Variants in NYAP2 observed in about 807,000 individuals in gnomAD.
The protein encoded by NYAP2 is neuronal tyrosine-phosphorylated phosphoinositide-3-kinase adapter 2.
In NYAP2, 23 loss-of-function variants were observed where a neutral mutation model predicts 50.4. The observed-to-expected ratio is 0.46, with a 90% CI of 0.33 to 0.65. NYAP2 has a LOEUF of 0.65. Ranked by LOEUF, NYAP2 falls within the 30% of genes least tolerant of loss-of-function variation. The pLI, the probability that NYAP2 is intolerant of heterozygous loss-of-function variation, is 0.02. For missense variants in NYAP2, 885 were observed against 861.0 expected (o/e 1.03, Z -0.35); for synonymous variants, 394 against 365.2 (o/e 1.08, Z -0.90).
the NYAP2 span, among the ~76,000 whole-genome samples, chr2:225,694,910 TC>T: frequency 1.4e-4 from 21 of 151,874 alleles, no homozygotes; most frequent in African/African-American, 4.8e-4. Context: ...TACACATGTC[TC>T]CAAAACATGA....
At chr2:225,684,741 G>A in the NYAP2 span, among the ~76,000 whole-genome samples, 1 of 151,970 alleles carries the variant, frequency 6.6e-6, no homozygotes, top group Non-Finnish European at 1.5e-5. Flanking sequence ...TGTAAAGATG[G>A]GGTTTCACTA....
At chr2:225,655,460 A>G (rs1298013763), downstream of NYAP2, among the ~76,000 whole-genome samples, 3 of 152,216 alleles carry the variant, frequency 2.0e-5, no homozygotes, top group South Asian at 2.1e-4. Context: ...ACCATTAGAA[A>G]GTTAACTTAT....
chr2:225,601,215 G>C (rs1018125951), intron 5 of NYAP2, among the ~76,000 whole-genome samples: 13 of 151,756 alleles, frequency 8.6e-5, no homozygotes, highest in Non-Finnish European at 1.9e-4. Flanking sequence ...CTACCTCCTG[G>C]GTTCAAGTGA....
chr2:225,398,624 CAGAGAG>C (rs55932860), upstream of NYAP2, among the ~76,000 whole-genome samples: 1 of 149,300 alleles, frequency 6.7e-6, no homozygotes, highest in Non-Finnish European at 1.5e-5. Flanking sequence ...CTTCATAAGG[CAGAGAG>C]AGAGAGAGAG....
At chr2:225,466,320 A>T (rs1689917667) in intron 3 of NYAP2, among the ~76,000 whole-genome samples, 1 of 152,172 alleles carries the variant, frequency 6.6e-6, no homozygotes, top group Non-Finnish European at 1.5e-5. Flanking sequence ...TGTGGGTGTC[A>T]TGAGTGCCTA....
chr2:225,550,588 G>T (rs1691655892), intron 4 of NYAP2, among the ~76,000 whole-genome samples: 1 of 152,152 alleles, frequency 6.6e-6, no homozygotes. Context: ...GTAGGGAAAT[G>T]GGTGGCAGCT....
chr2:225,639,945 C>T (rs1693498314), intron 6 of NYAP2, among the ~76,000 whole-genome samples: 1 of 152,062 alleles, frequency 6.6e-6, no homozygotes, highest in South Asian at 2.1e-4. Flanking sequence ...CGCCATGACC[C>T]ACATAATTGA....
intron 6 of NYAP2, among the ~76,000 whole-genome samples, chr2:225,642,421 A>T (rs1693548757): frequency 6.6e-6 from 1 of 152,172 alleles, no homozygotes; most frequent in African/African-American, 2.4e-5. Context: ...TTCTTACAGA[A>T]ATCCTGTGAA....
chr2:225,409,723 G>A (rs1301228389), intron 3 of NYAP2, among the ~76,000 whole-genome samples: 1 of 152,146 alleles, frequency 6.6e-6, no homozygotes, highest in East Asian at 1.9e-4. Flanking sequence ...CCAAATTGAG[G>A]TTAAATTTCC....
At chr2:225,548,465 G>A (rs1691620208) in intron 4 of NYAP2, among the ~76,000 whole-genome samples, 1 of 151,630 alleles carries the variant, frequency 6.6e-6, no homozygotes, top group Non-Finnish European at 1.5e-5. Flanking sequence ...TGTGTATTAA[G>A]CAATGTACCC....
chr2:225,525,125 T>G (rs1458931712), intron 4 of NYAP2, among the ~76,000 whole-genome samples: 1 of 152,182 alleles, frequency 6.6e-6, no homozygotes, highest in African/African-American at 2.4e-5. Flanking sequence ...CATTATACAC[T>G]GTCAGTTGGA....
rs540611962 is a variant in NYAP2 at position 225,487,484 on chromosome 2, C to A, written c.222-25887C>A. The stretch of plus-strand genomic sequence containing the variant: ...AAGCGATTCTCCTGCCTCAGCCTTG[C>A]GAGTAACTTGGATTATAGGCGCCCA... On this transcript the variant is annotated intron_variant, in intron 3 of 6. Coordinates refer to ENST00000636099, the Ensembl canonical transcript of NYAP2. Among the ~76,000 whole-genome samples the A allele has an allele frequency of 1.6e-3, 236 of 152,094 alleles. 1 individual carries two copies. The highest frequency in any genetic ancestry group is 5.4e-3 in the African/African-American group (225 of 41,488).
intron 3 of NYAP2, among the ~76,000 whole-genome samples, chr2:225,455,426 A>G (rs1689724866): frequency 6.6e-6 from 1 of 152,218 alleles, no homozygotes; most frequent in Non-Finnish European, 1.5e-5. Flanking sequence ...ATACTATTTA[A>G]TGCCAAACAG....
intron 6 of NYAP2, among the ~76,000 whole-genome samples, chr2:225,646,271 G>C (rs958544575): frequency 2.6e-5 from 4 of 152,194 alleles, no homozygotes; most frequent in African/African-American, 9.7e-5. Context: ...ATTCCTGCTG[G>C]CTGGGCACGG....
intron 4 of NYAP2, among the ~76,000 whole-genome samples, chr2:225,567,510 T>C (rs1251121781): frequency 6.6e-6 from 1 of 152,082 alleles, no homozygotes; most frequent in Non-Finnish European, 1.5e-5. Flanking sequence ...TAATTCTCCC[T>C]TCAGAAAGCT....
At chr2:225,596,509 AG>A (rs1486447073) in intron 5 of NYAP2, among the ~76,000 whole-genome samples, 8 of 152,292 alleles carry the variant, frequency 5.3e-5, no homozygotes, top group Non-Finnish European at 2.9e-5. Context: ...TAAGTTTTTG[AG>A]GGCAGGGACA....
chr2:225,498,934 G>A (rs961979066), intron 3 of NYAP2, among the ~76,000 whole-genome samples: 1 of 152,202 alleles, frequency 6.6e-6, no homozygotes, highest in Non-Finnish European at 1.5e-5. Flanking sequence ...GAAATGCGCA[G>A]TATTTTGTTG....
Position 225,583,034 on chromosome 2 carries a change from G to C in NYAP2, c.1617G>C (p.Glu539Asp), listed in dbSNP as rs1029941891. 6 of 1,609,648 alleles carry C rather than the reference G, an allele frequency of 3.7e-6. No individual in the cohort carries two copies. Among genetic ancestry groups the C allele is most frequent in the Admixed American group, 3.3e-5 (2 of 59,844 alleles). Reference sequence around the variant, plus strand: ...GCCGGCGCTCCAAAGAGCCTGCAGAGAGTAAGTGTGCAGGGCCTGCCTGAG... The same window carrying C: ...GCCGGCGCTCCAAAGAGCCTGCAGACAGTAAGTGTGCAGGGCCTGCCTGAG... The change falls in exon 5 of 7, where the codon GAG becomes GAC. Residue 539 changes from glutamate to aspartate, a missense_variant and splice_region_variant. Coordinates refer to ENST00000636099, the Ensembl canonical transcript of NYAP2.
At chr2:225,651,823 T>C (rs1693737797) in exon 7 of NYAP2, 1 of 411,486 alleles carries the variant, frequency 2.4e-6, no homozygotes, top group Middle Eastern at 6.6e-4. Context: ...GTAGTAAACT[T>C]GTACTATATG....
Sources: allele counts gnomAD v4.1 joint callset (sites outside exome capture counted in the v4.1 genomes callset), GRCh38; gene constraint gnomAD v4.1.1; transcripts MANE v1.5; gene names NCBI Gene and HGNC (gene_info 2026-07-23, HGNC 2026-07-21).